The following MCMBP variants were observed in gnomAD, a reference collection of about 807,000 sequenced individuals.
MCMBP encodes the protein mini-chromosome maintenance complex-binding protein.
Under a neutral mutation model 81.3 loss-of-function variants are expected in MCMBP, and 31 were observed. The observed-to-expected ratio is 0.38, with a 90% CI of 0.29 to 0.51. MCMBP has a LOEUF of 0.51. Among genes scored for constraint, MCMBP ranks in the 20% least tolerant of loss-of-function variants. The pLI, the probability that MCMBP is intolerant of heterozygous loss-of-function variation, is 0.87. For missense variants in MCMBP, 645 were observed against 772.1 expected, an observed-to-expected ratio of 0.84 and a Z score of 1.95; for synonymous variants, 267 against 275.9, an observed-to-expected ratio of 0.97 and a Z score of 0.32.
chr10:119,865,893 T>G (rs982275481), intron 1 of MCMBP, among the ~76,000 whole-genome samples: 1 of 151,814 alleles, frequency 6.6e-6, no homozygotes, highest in Admixed American at 6.6e-5. Flanking sequence ...CTGGGCAACA[T>G]AGTGAGACCC....
chr10:119,842,071 C>T (rs1033594722), intron 10 of MCMBP, among the ~76,000 whole-genome samples: 11 of 152,086 alleles, frequency 7.2e-5, no homozygotes, highest in Admixed American at 5.9e-4. Context: ...CTCACAGGAG[C>T]GCGAACCCTA....
At chr10:119,847,757 A>G (rs776202093) in intron 7 of MCMBP, 44 bp from the exon 8 acceptor site, 1 of 1,186,674 alleles carries the variant, frequency 8.4e-7, no homozygotes, top group South Asian at 1.3e-5. Flanking sequence ...AACAGACACA[A>G]AGCTTAAGAT....
At chr10:119,861,089 T>C (rs1853240378) in intron 1 of MCMBP, among the ~76,000 whole-genome samples, 1 of 152,222 alleles carries the variant, frequency 6.6e-6, no homozygotes, top group African/African-American at 2.4e-5. Context: ...TGGCCAATCC[T>C]GCTGTTTATA....
At chr10:119,851,852 T>G (rs1852835664) in intron 6 of MCMBP, among the ~76,000 whole-genome samples, 1 of 152,170 alleles carries the variant, frequency 6.6e-6, no homozygotes, top group Non-Finnish European at 1.5e-5. Flanking sequence ...TGTTTACCAC[T>G]GACTGTTAAA....
At chr10:119,861,228 T>C (rs1853244482) in intron 1 of MCMBP, among the ~76,000 whole-genome samples, 1 of 152,216 alleles carries the variant, frequency 6.6e-6, no homozygotes, top group Non-Finnish European at 1.5e-5. Context: ...CAAACACGTT[T>C]ACTTAACTGG....
chr10:119,832,776 A>T (rs1852092773), intron 14 of MCMBP, among the ~76,000 whole-genome samples: 1 of 152,170 alleles, frequency 6.6e-6, no homozygotes, highest in Non-Finnish European at 1.5e-5. Flanking sequence ...TCCCCAGGGC[A>T]TTTATCAAAA....
At chr10:119,862,292 A>G (rs1315750254) in intron 1 of MCMBP, among the ~76,000 whole-genome samples, 1 of 152,056 alleles carries the variant, frequency 6.6e-6, no homozygotes, top group Non-Finnish European at 1.5e-5. Flanking sequence ...GGGCGACTAG[A>G]GTGAATCTTC....
At chr10:119,845,330 G>GGT (rs1852579648) in intron 8 of MCMBP, among the ~76,000 whole-genome samples, 1 of 146,802 alleles carries the variant, frequency 6.8e-6, no homozygotes, top group African/African-American at 2.5e-5. Context: ...GTGTAGATGA[G>GGT]GGACATCAGC....
At chr10:119,842,110 A>G (rs553309562) in intron 10 of MCMBP, among the ~76,000 whole-genome samples, 2 of 152,268 alleles carry the variant, frequency 1.3e-5, no homozygotes, top group African/African-American at 2.4e-5. Context: ...TGTGTTCCCT[A>G]TGAGAATCTA....
rs1408575148 is a variant in MCMBP at position 119,835,543 on chromosome 10, G to C, written c.1704C>G (p.Thr568=). ...FLEYSISDEI[T]KAVEDDFVEM... ...CTTTATTTTAACCTAGACATACCTT[G>C]GTTATTTCATCAGATATGCTATATT... Residue 568 remains threonine, a synonymous_variant, in exon 14 of 16, where the codon ACC becomes ACG. Coordinates refer to ENST00000369077, the MANE Select transcript of MCMBP (RefSeq NM_001256378.2). The C allele has an allele frequency of 4.3e-6, 7 of 1,612,460 alleles. 1 individual carries two copies. Among genetic ancestry groups the C allele is most frequent in the African/African-American group, 4.0e-5 (3 of 74,872 alleles).
At chr10:119,834,188 C>T (rs1405142389) in intron 14 of MCMBP, among the ~76,000 whole-genome samples, 1 of 152,080 alleles carries the variant, frequency 6.6e-6, no homozygotes, top group African/African-American at 2.4e-5. Flanking sequence ...CAAAACCTTC[C>T]CAAACTTGTT....
In MCMBP at chr10:119,835,441, CAAAT is replaced by C. The variant is rs1190409347; in HGVS notation, c.1707+95_1707+98del. ...GAATAAAAAAAGACATGACAGAAAACAAATAACAAAATTACCTTATCAGTAATTA... is the reference window on the plus strand; with the variant it reads ...GAATAAAAAAAGACATGACAGAAAACAACAAAATTACCTTATCAGTAATTA... On this transcript the variant is annotated intron_variant, in intron 14 of 15. Transcript: ENST00000369077. The C allele has an allele frequency of 3.6e-6, 4 of 1,111,366 alleles. No individual in the cohort carries two copies. In the African/African-American group the frequency reaches 6.4e-5, roughly 18 times the overall value. The allele number at this position is 1,111,366 out of a possible 1,614,324, so 68.8% of individuals were successfully genotyped here.
intron 8 of MCMBP, among the ~76,000 whole-genome samples, chr10:119,846,634 A>G (rs1354547184): frequency 6.6e-6 from 1 of 152,236 alleles, no homozygotes; most frequent in African/African-American, 2.4e-5. Context: ...ACAAACTGAC[A>G]TCGCATGCCT....
chr10:119,864,836 T>C (rs1384605695), intron 1 of MCMBP, among the ~76,000 whole-genome samples: 1 of 152,220 alleles, frequency 6.6e-6, no homozygotes, highest in South Asian at 2.1e-4. Flanking sequence ...TTCATTTTGG[T>C]TTAGTTCACA....
At chr10:119,854,952 CAAAAA>C (rs748009891) in intron 5 of MCMBP, among the ~76,000 whole-genome samples, 2,867 of 144,164 alleles carry the variant, frequency 0.02, 43 homozygotes, top group Middle Eastern at 0.049. Flanking sequence ...GACTCTGCCT[CAAAAA>C]AAAAAAAAAA....
chr10:119,839,679 G>A (rs1852366791), intron 11 of MCMBP, among the ~76,000 whole-genome samples: 1 of 152,150 alleles, frequency 6.6e-6, no homozygotes, highest in Admixed American at 6.5e-5. Context: ...TCCTTTCAAT[G>A]TGCGAGACTA....
intron 5 of MCMBP, among the ~76,000 whole-genome samples, chr10:119,854,759 C>G (rs898228943): frequency 6.6e-6 from 1 of 151,532 alleles, no homozygotes; most frequent in Non-Finnish European, 1.5e-5. Flanking sequence ...GAGATTAAGA[C>G]CATCCTGGCC....
intron 12 of MCMBP, among the ~76,000 whole-genome samples, 176 bp downstream of exon 12, chr10:119,838,359 T>C (rs1484733720): frequency 1.3e-5 from 2 of 151,390 alleles, no homozygotes; most frequent in Non-Finnish European, 2.9e-5. Context: ...TGGCAAAACA[T>C]AGTTGGTGTA....
chr10:119,839,202 G>A (rs1852349273), intron 11 of MCMBP, among the ~76,000 whole-genome samples: 1 of 152,198 alleles, frequency 6.6e-6, no homozygotes, highest in South Asian at 2.1e-4. Flanking sequence ...GGATGGACCT[G>A]CAGCTCTCAG....
Sources: gnomAD v4.1 joint callset for allele counts (sites outside exome capture counted in the v4.1 genomes callset) on GRCh38, gnomAD v4.1.1 for gene constraint, MANE v1.5 for transcripts, NCBI Gene and HGNC (gene_info 2026-07-23, HGNC 2026-07-21) for gene names.